GRIA3: variants seen among roughly 807,000 people sequenced by gnomAD.
The protein encoded by GRIA3 is glutamate ionotropic receptor AMPA type subunit 3.
Under a neutral mutation model 63.0 loss-of-function variants are expected in GRIA3, and 3 were observed. That is an observed-to-expected ratio of 0.05 (90% CI 0.02 to 0.12). The LOEUF (loss-of-function observed/expected upper bound fraction) is 0.12, where lower values mean the gene tolerates loss of function less well. Ranked by LOEUF, GRIA3 falls within the 10% of genes least tolerant of loss-of-function variation. GRIA3 has a pLI of 1.00. For synonymous variants in GRIA3, 274 were observed against 257.9 expected (o/e 1.06, Z -0.60); for missense variants, 347 against 700.9 (o/e 0.50, Z 5.70).
intron 15 of GRIA3, among the ~76,000 whole-genome samples, chrX:123,484,225 T>C (rs2045928964): frequency 8.9e-6 from 1 of 112,095 alleles, no homozygotes; most frequent in African/African-American, 3.2e-5. Flanking sequence ...AATGTTCAAA[T>C]GCAAGCTCGA....
intron 3 of GRIA3, among the ~76,000 whole-genome samples, chrX:123,257,365 A>G (rs1368443875): frequency 9.1e-6 from 1 of 110,156 alleles, no homozygotes; most frequent in Non-Finnish European, 1.9e-5. Context: ...TGAAAGAAAG[A>G]GAGAAAGAAA....
At chrX:123,373,139 G>A (rs183257558) in intron 5 of GRIA3, among the ~76,000 whole-genome samples, 2 of 110,233 alleles carry the variant, frequency 1.8e-5, no homozygotes, top group Admixed American at 1.9e-4. Flanking sequence ...CCTTGTGATA[G>A]TTTGCTCAGA....
In GRIA3 at chrX:123,423,624, T is replaced by G. The variant is rs753002365; in HGVS notation, c.1878-4317T>G. On this transcript the variant is annotated intron_variant, in intron 11 of 15. Coordinates refer to ENST00000620443, the MANE Select transcript of GRIA3 (RefSeq NM_007325.5). Reference sequence around the variant, plus strand: ...GAACCAAAGATTGATTCTGCACATTTTTTAAAAATCTGCCACAGACATGGC... The same window carrying G: ...GAACCAAAGATTGATTCTGCACATTGTTTAAAAATCTGCCACAGACATGGC... Among the ~76,000 whole-genome samples, 134 of 112,149 alleles carry G rather than the reference T, an allele frequency of 1.2e-3. 1 individual carries two copies. The highest frequency in any genetic ancestry group is 4.1e-3 in the African/African-American group (127 of 30,951).
At chrX:123,379,680 C>T (rs1319915150) in intron 5 of GRIA3, among the ~76,000 whole-genome samples, 1 of 88,394 alleles carries the variant, frequency 1.1e-5, no homozygotes, top group Non-Finnish European at 2.1e-5. Flanking sequence ...TTTTAGGGTA[C>T]ATGTGCACAA....
chrX:123,478,054 G>A (rs995991599), intron 13 of GRIA3, among the ~76,000 whole-genome samples: 6 of 111,807 alleles, frequency 5.4e-5, no homozygotes, highest in Non-Finnish European at 1.1e-4. Context: ...ATCTTCCCCT[G>A]TATCCTGAGC....
At chrX:123,283,771 T>C (rs1353125339) in intron 3 of GRIA3, among the ~76,000 whole-genome samples, 3 of 112,643 alleles carry the variant, frequency 2.7e-5, no homozygotes, top group Non-Finnish European at 5.6e-5. Flanking sequence ...ATAAAACTCC[T>C]ATCTCTCTGG....
chrX:123,449,595 T>C (rs1054496310), intron 12 of GRIA3, among the ~76,000 whole-genome samples: 1 of 111,925 alleles, frequency 8.9e-6, no homozygotes, highest in African/African-American at 3.2e-5. Flanking sequence ...TAAATCAGCA[T>C]AGCACCTTTA....
intron 15 of GRIA3, among the ~76,000 whole-genome samples, chrX:123,484,971 T>C (rs1475952187): frequency 8.9e-6 from 1 of 112,913 alleles, no homozygotes; most frequent in Non-Finnish European, 1.9e-5. Context: ...ACCAATCCGC[T>C]GACAGTGTTC....
At chrX:123,426,600 T>C (rs1205814515) in intron 11 of GRIA3, among the ~76,000 whole-genome samples, 1 of 112,239 alleles carries the variant, frequency 8.9e-6, no homozygotes, top group Admixed American at 9.5e-5. Flanking sequence ...AGAAGAACAA[T>C]GTTTCTCAGT....
chrX:123,464,098 T>C (rs939637530), intron 12 of GRIA3, among the ~76,000 whole-genome samples: 1 of 110,196 alleles, frequency 9.1e-6, no homozygotes, highest in Non-Finnish European at 1.9e-5. Flanking sequence ...TTTCAATAAT[T>C]AAAGAACCGT....
chrX:123,304,005 C>T (rs1454562667), intron 3 of GRIA3, among the ~76,000 whole-genome samples: 3 of 110,382 alleles, frequency 2.7e-5, no homozygotes, highest in Non-Finnish European at 5.7e-5. Context: ...TTGGGCTGCT[C>T]CAGGGTCAGT....
chrX:123,281,589 T>C (rs2044586135), intron 3 of GRIA3, among the ~76,000 whole-genome samples: 1 of 111,770 alleles, frequency 8.9e-6, no homozygotes, highest in South Asian at 3.8e-4. Flanking sequence ...AAGCTTGTCA[T>C]GGTACCTTAA....
intron 5 of GRIA3, among the ~76,000 whole-genome samples, chrX:123,373,216 T>C (rs2045260515): frequency 9.0e-6 from 1 of 111,571 alleles, no homozygotes; most frequent in Non-Finnish European, 1.9e-5. Context: ...TATGGCTGCA[T>C]AGTATTCCAT....
intron 3 of GRIA3, among the ~76,000 whole-genome samples, chrX:123,257,635 A>G (rs2147285417): frequency 9.0e-6 from 1 of 111,345 alleles, no homozygotes; most frequent in East Asian, 2.8e-4. Flanking sequence ...TTACAGGGAG[A>G]AATTACAATA....
intron 6 of GRIA3, 107 bp from the exon 7 acceptor site, chrX:123,398,529 T>C (rs758473134): frequency 1.5e-5 from 9 of 598,242 alleles, no homozygotes; most frequent in Non-Finnish European, 2.5e-5. Flanking sequence ...AATAGGGGGG[T>C]GACTGCATAG....
At chrX:123,255,803 G>A (rs1003099841) in intron 3 of GRIA3, among the ~76,000 whole-genome samples, 12 of 109,869 alleles carry the variant, frequency 1.1e-4, no homozygotes, top group Middle Eastern at 4.6e-3. Context: ...GGACTAATCC[G>A]CTCTGCTTAA....
intron 12 of GRIA3, among the ~76,000 whole-genome samples, chrX:123,459,216 CCAAG>C (rs1466135417): frequency 7.1e-4 from 79 of 111,043 alleles, no homozygotes; most frequent in Middle Eastern, 4.6e-3. Context: ...TGATTCAAAC[CCAAG>C]CAGTCTGACT....
intron 5 of GRIA3, among the ~76,000 whole-genome samples, chrX:123,383,492 A>G (rs2045336512): frequency 9.0e-6 from 1 of 110,913 alleles, no homozygotes; most frequent in Admixed American, 9.6e-5. Context: ...CTTCCGTGAG[A>G]TCAAAATTTT....
chrX:123,204,404 T>C, intron 2 of GRIA3: 1 of 1,160,464 alleles, frequency 8.6e-7, no homozygotes, highest in Non-Finnish European at 1.2e-6. Context: ...TTCAAGGCGT[T>C]ACAGGTGAAC....
Sources: allele counts gnomAD v4.1 joint callset (sites outside exome capture counted in the v4.1 genomes callset), GRCh38; gene constraint gnomAD v4.1.1; transcripts MANE v1.5; gene names NCBI Gene and HGNC (gene_info 2026-07-23, HGNC 2026-07-21).